The following ADAMTSL1 variants were observed in gnomAD, a reference collection of about 807,000 sequenced individuals.
ADAMTSL1 encodes ADAMTS like 1.
In ADAMTSL1, 126 loss-of-function variants were observed where a neutral mutation model predicts 201.8. That is an observed-to-expected ratio of 0.62 (90% CI 0.54 to 0.72). The LOEUF (loss-of-function observed/expected upper bound fraction) is 0.72. Among genes scored for constraint, ADAMTSL1 ranks in the 30% least tolerant of loss-of-function variants. The pLI, the probability that ADAMTSL1 is intolerant of heterozygous loss-of-function variation, is 0.00. For synonymous variants in ADAMTSL1, 1,121 were observed against 903.4 expected (o/e 1.24, Z -4.32); for missense variants, 2,679 against 2,277.8 (o/e 1.18, Z -3.59).
At chr9:18,724,201 G>C (rs1817726324) in intron 15 of ADAMTSL1, among the ~76,000 whole-genome samples, 1 of 152,182 alleles carries the variant, frequency 6.6e-6, no homozygotes, top group South Asian at 2.1e-4. Flanking sequence ...GTCACCCCCT[G>C]GTTAAGATAA....
chr9:18,879,458 A>G (rs2131501116), intron 23 of ADAMTSL1, among the ~76,000 whole-genome samples: 1 of 152,328 alleles, frequency 6.6e-6, no homozygotes, highest in Non-Finnish European at 1.5e-5. Flanking sequence ...CATCCTCAAG[A>G]TACTTTACTT....
At chr9:18,808,872 T>C (rs1823325021) in intron 20 of ADAMTSL1, among the ~76,000 whole-genome samples, 1 of 152,198 alleles carries the variant, frequency 6.6e-6, no homozygotes, top group African/African-American at 2.4e-5. Context: ...GGACAAACCA[T>C]GGGGCCTTTC....
chr9:18,199,425 G>A (rs2132267227), intron 2 of ADAMTSL1, among the ~76,000 whole-genome samples: 1 of 151,954 alleles, frequency 6.6e-6, no homozygotes, highest in South Asian at 2.1e-4. Context: ...TCACTAAATG[G>A]AGCAATGCAT....
chr9:18,408,730 C>CT (rs1184600970), intron 2 of ADAMTSL1, among the ~76,000 whole-genome samples: 4 of 152,142 alleles, frequency 2.6e-5, no homozygotes, highest in African/African-American at 9.7e-5. Context: ...AATATCACAA[C>CT]TATCCCCATT....
intron 1 of ADAMTSL1, among the ~76,000 whole-genome samples, chr9:18,031,764 G>A (rs1047692723): frequency 6.6e-6 from 1 of 152,150 alleles, no homozygotes; most frequent in Non-Finnish European, 1.5e-5. Context: ...TCCTTTAGGG[G>A]TGGCCTGAGC....
At chr9:18,814,835 T>G (rs1307415130) in intron 20 of ADAMTSL1, among the ~76,000 whole-genome samples, 3 of 152,162 alleles carry the variant, frequency 2.0e-5, no homozygotes, top group African/African-American at 7.2e-5. Flanking sequence ...GACACAAGGT[T>G]ACCTATGTAA....
At chr9:18,685,065 TCTC>T (rs1830742736) in intron 13 of ADAMTSL1, 7 of 1,015,700 alleles carry the variant, frequency 6.9e-6, no homozygotes, top group Non-Finnish European at 8.6e-6. Flanking sequence ...CCTCCTCTCT[TCTC>T]TGCGCAAGGG....
At chr9:18,070,869 C>A (rs1822933594) in intron 1 of ADAMTSL1, among the ~76,000 whole-genome samples, 1 of 152,188 alleles carries the variant, frequency 6.6e-6, no homozygotes, top group African/African-American at 2.4e-5. Flanking sequence ...ATACTCTGCA[C>A]AGCTAGTGGC....
At chr9:18,822,784 T>G (rs1824293114) in intron 21 of ADAMTSL1, among the ~76,000 whole-genome samples, 2 of 152,196 alleles carry the variant, frequency 1.3e-5, no homozygotes, top group African/African-American at 4.8e-5. Context: ...TAGCAAATGT[T>G]CAATGTTATT....
chr9:18,150,032 A>G (rs1183053768), intron 1 of ADAMTSL1, among the ~76,000 whole-genome samples: 2 of 152,114 alleles, frequency 1.3e-5, no homozygotes, highest in African/African-American at 4.8e-5. Context: ...AAATAAATTC[A>G]ATTTGAATTA....
At chr9:18,470,327 G>A (rs1402424232), upstream of ADAMTSL1, among the ~76,000 whole-genome samples, 1 of 152,220 alleles carries the variant, frequency 6.6e-6, no homozygotes, top group Non-Finnish European at 1.5e-5. Context: ...TAGATACTAG[G>A]TGAGTTGGCA....
At chr9:18,190,783 G>T (rs987827355) in intron 2 of ADAMTSL1, among the ~76,000 whole-genome samples, 79 of 152,242 alleles carry the variant, frequency 5.2e-4, no homozygotes, top group African/African-American at 1.8e-3. Flanking sequence ...TTAACAAACT[G>T]CTGGTTCTTC....
intron 23 of ADAMTSL1, among the ~76,000 whole-genome samples, chr9:18,866,136 G>A (rs1339519852): frequency 2.0e-5 from 1 of 49,090 alleles, no homozygotes; most frequent in African/African-American, 1.8e-4. Flanking sequence ...AAAAATGACG[G>A]ATACTTCATT....
chr9:18,854,761 A>G (rs752710023), intron 23 of ADAMTSL1, among the ~76,000 whole-genome samples: 1 of 152,198 alleles, frequency 6.6e-6, no homozygotes, highest in Non-Finnish European at 1.5e-5. Context: ...GTGGAAGAAC[A>G]TGGAAAATGT....
chr9:17,915,801 T>C lies in ADAMTSL1; in HGVS notation c.87+8879T>C, dbSNP rs561852726. On this transcript the variant is annotated intron_variant, in intron 1 of 29. Coordinates refer to the ADAMTSL1 transcript ENST00000680146. Reference sequence around the variant, plus strand: ...TGCAATTCTCTAATGATTAATGATATTGAGCATGTTTTCATACGTTTAGAA... The same window carrying C: ...TGCAATTCTCTAATGATTAATGATACTGAGCATGTTTTCATACGTTTAGAA... Among the ~76,000 whole-genome samples, 29 of 152,344 alleles carry C rather than the reference T, an allele frequency of 1.9e-4. 1 individual carries two copies. The highest frequency in any genetic ancestry group is 3.4e-3 in the Middle Eastern group (1 of 294).
intron 1 of ADAMTSL1, among the ~76,000 whole-genome samples, chr9:17,929,816 T>C (rs952122158): frequency 1.3e-5 from 2 of 152,208 alleles, no homozygotes; most frequent in African/African-American, 4.8e-5. Flanking sequence ...GCCCATTTTC[T>C]TTCTAGCACT....
Position 18,655,806 on chromosome 9 carries a change from T to TAAAAAAAAAAAAAAAAAAAAAAA in ADAMTSL1, c.835-1824_835-1802dup, listed in dbSNP as rs56662538. ...AGAGAGCTAGAGGCTTTTGTGAGCT[T>TAAAAAAAAAAAAAAAAAAAAAAA]AAAAAAAAAAAAAAAAAAAAAAAAA... On this transcript the variant is annotated intron_variant, in intron 7 of 28. Transcript: ENST00000380548. Among the ~76,000 whole-genome samples, 41 of 81,842 alleles carry TAAAAAAAAAAAAAAAAAAAAAAA rather than the reference T, an allele frequency of 5.0e-4. 2 individuals are homozygous for TAAAAAAAAAAAAAAAAAAAAAAA. The highest frequency in any genetic ancestry group is 6.4e-4 in the Non-Finnish European group (31 of 48,276). 53.7% of individuals were successfully genotyped at this position (81,842 alleles called of 152,430 possible).
In ADAMTSL1 at chr9:18,908,664, A is replaced by G; in HGVS notation, c.*116A>G. On this transcript the variant is annotated 3_prime_UTR_variant, in exon 29 of 29. Transcript: ENST00000380548. ...ATTTATTTCCCCCTCCCCACTCCAC[A>G]CACACCCTTCCAACCTCCTCCACCT... The G allele has an allele frequency of 2.4e-6, 2 of 819,882 alleles. No individual in the cohort carries two copies. The highest frequency in any genetic ancestry group is 1.8e-5 in the South Asian group (1 of 56,696). The allele number at this position is 819,882 out of a possible 1,614,324, so 50.8% of individuals were successfully genotyped here.
At chr9:18,785,397 C>G (rs1460507736) in intron 19 of ADAMTSL1, among the ~76,000 whole-genome samples, 2 of 152,260 alleles carry the variant, frequency 1.3e-5, no homozygotes, top group East Asian at 1.9e-4. Context: ...TTAAAGATAG[C>G]CTTTTCTTCT....
Sources: allele counts gnomAD v4.1 joint callset (sites outside exome capture counted in the v4.1 genomes callset), GRCh38; gene constraint gnomAD v4.1.1; transcripts MANE v1.5; gene names NCBI Gene and HGNC (gene_info 2026-07-23, HGNC 2026-07-21).